Variants in SMG6 observed in about 807,000 individuals in gnomAD.
The protein encoded by SMG6 is SMG6 nonsense mediated mRNA decay factor.
SMG6 carries 66 observed loss-of-function variants against 142.2 expected under a neutral mutation model. The ratio of observed to expected loss-of-function variants is 0.46; its 90% CI spans 0.38 to 0.57. The LOEUF is 0.57. SMG6 is among the 20% of genes least tolerant of loss of function. The pLI is 0.00. For missense variants in SMG6, 1,793 were observed against 1,832.0 expected, an observed-to-expected ratio of 0.98 and a Z score of 0.39; for synonymous variants, 779 against 702.4, an observed-to-expected ratio of 1.11 and a Z score of -1.72.
intron 10 of SMG6, among the ~76,000 whole-genome samples, chr17:2,189,113 T>C (rs1277071071): frequency 1.3e-5 from 2 of 152,200 alleles, no homozygotes; most frequent in African/African-American, 4.8e-5. Context: ...TGCAGAACAG[T>C]GCTTGGCACA....
At chr17:2,078,670 C>A (rs140870845) in intron 15 of SMG6, among the ~76,000 whole-genome samples, 21 of 152,232 alleles carry the variant, frequency 1.4e-4, no homozygotes, top group African/African-American at 4.8e-4. Context: ...CTGCGCCCAG[C>A]CACTGAATAC....
chr17:2,176,679 G>C (rs1291053660), intron 12 of SMG6, among the ~76,000 whole-genome samples: 1 of 152,150 alleles, frequency 6.6e-6, no homozygotes, highest in African/African-American at 2.4e-5. Context: ...GATGTGATTA[G>C]AGAGCAGGGA....
chr17:2,198,802 A>G (rs2072415903), intron 10 of SMG6, among the ~76,000 whole-genome samples: 1 of 152,130 alleles, frequency 6.6e-6, no homozygotes, highest in Non-Finnish European at 1.5e-5. Flanking sequence ...CTCAATTAAC[A>G]GTAGCTGATT....
intron 13 of SMG6, among the ~76,000 whole-genome samples, chr17:2,135,631 AT>A (rs1210093820): frequency 6.6e-6 from 1 of 152,236 alleles, no homozygotes; most frequent in African/African-American, 2.4e-5. Flanking sequence ...ACCACTAGAA[AT>A]GTGACTAGTG....
At position 2,187,281 on chromosome 17, in the gene SMG6, C is replaced by A. The variant is rs531783574; in HGVS notation, c.2987-450G>T. On this transcript the variant is annotated intron_variant, in intron 11 of 18. Coordinates refer to ENST00000263073, the MANE Select transcript of SMG6 (RefSeq NM_017575.5). ...GGACAAAGAAAGACAGAAAAACCAT[C>A]CCAAATTAAAGGACATTAAAGAGAC... 7.9e-5 allele frequency among the ~76,000 whole-genome samples: 12 copies of A among 152,256 alleles called. No homozygotes were observed. The East Asian group carries it at 2.1e-3, about 27-fold the overall frequency.
intron 16 of SMG6, chr17:2,066,097 T>G (rs1304171272): frequency 2.1e-5 from 4 of 188,568 alleles, no homozygotes; most frequent in Non-Finnish European, 4.5e-5. Context: ...CACACTGCAG[T>G]CCAGGAGGGG....
intron 13 of SMG6, among the ~76,000 whole-genome samples, chr17:2,109,073 A>G (rs908615564): frequency 1.3e-5 from 2 of 152,222 alleles, no homozygotes; most frequent in African/African-American, 4.8e-5. Context: ...TTTTCTCATG[A>G]CTAGCACAGA....
chr17:2,226,858 C>T (rs2073335549), intron 10 of SMG6, among the ~76,000 whole-genome samples: 2 of 152,066 alleles, frequency 1.3e-5, no homozygotes, highest in South Asian at 2.1e-4. Flanking sequence ...GCCGAGATCA[C>T]GCCAATGCAC....
chr17:2,240,263 G>C (rs780708256), intron 9 of SMG6: 1 of 152,248 alleles, frequency 6.6e-6, no homozygotes, highest in Non-Finnish European at 1.5e-5. Context: ...AGACAACACC[G>C]GGACCTAGGC....
intron 11 of SMG6, among the ~76,000 whole-genome samples, chr17:2,187,567 C>G (rs2072028952): frequency 6.6e-6 from 1 of 152,056 alleles, no homozygotes; most frequent in Admixed American, 6.6e-5. Flanking sequence ...TCAAATGGTT[C>G]AGAAGAAAAA....
intron 8 of SMG6, among the ~76,000 whole-genome samples, chr17:2,280,076 C>A (rs1395135178): frequency 2.0e-5 from 3 of 152,088 alleles, no homozygotes; most frequent in Non-Finnish European, 2.9e-5. Flanking sequence ...TTTAATTTCT[C>A]TATCCTCAAT....
At chr17:2,076,696 G>C (rs942416189) in intron 15 of SMG6, among the ~76,000 whole-genome samples, 2 of 152,214 alleles carry the variant, frequency 1.3e-5, no homozygotes, top group Admixed American at 6.5e-5. Flanking sequence ...GCATTAAAGC[G>C]GGGTGGGGAA....
At chr17:2,163,490 A>G (rs1418103022) in intron 13 of SMG6, among the ~76,000 whole-genome samples, 1 of 152,098 alleles carries the variant, frequency 6.6e-6, no homozygotes, top group Non-Finnish European at 1.5e-5. Flanking sequence ...CCAAATCTTC[A>G]TTTTGTTTGA....
intron 9 of SMG6, among the ~76,000 whole-genome samples, chr17:2,242,694 A>T (rs2073838826): frequency 1.4e-5 from 2 of 141,866 alleles, no homozygotes; most frequent in African/African-American, 2.6e-5. Flanking sequence ...CTCTTTAAAA[A>T]AAAAAAAAAA....
At chr17:2,205,112 A>G (rs2072639075) in intron 10 of SMG6, among the ~76,000 whole-genome samples, 1 of 151,734 alleles carries the variant, frequency 6.6e-6, no homozygotes, top group Admixed American at 6.6e-5. Flanking sequence ...TTTGTCACCC[A>G]GGCTGGAGTG....
intron 13 of SMG6, among the ~76,000 whole-genome samples, chr17:2,157,393 T>C (rs926820979): frequency 6.6e-6 from 1 of 152,232 alleles, no homozygotes; most frequent in Non-Finnish European, 1.5e-5. Flanking sequence ...CATGCAGCTA[T>C]GAACTCCACA....
rs956587819 is a variant in SMG6 at position 2,085,127 on chromosome 17, C to T, written c.3534+598G>A. Among the ~76,000 whole-genome samples, 1 of 152,100 alleles carries T rather than the reference C, an allele frequency of 6.6e-6. No individual in the cohort carries two copies. Among genetic ancestry groups the T allele is most frequent in the East Asian group, 1.9e-4 (1 of 5,184 alleles). ...AGGCTCATGCATGTGCATGCGCGTG[C>T]GCACACACACACACAGACGCGCACA... is the stretch of plus-strand genomic sequence containing the variant. On this transcript the variant is annotated intron_variant, in intron 14 of 18. Coordinates refer to ENST00000263073, the MANE Select transcript of SMG6 (RefSeq NM_017575.5). This position sits in a 1 kb window ranked among gnomAD's most constrained non-coding sequence, Gnocchi z 4.1.
At chr17:2,064,992 G>C in intron 18 of SMG6, 81 bp downstream of exon 18, 1 of 1,105,854 alleles carries the variant, frequency 9.0e-7, no homozygotes. Context: ...AGTCAGTGGA[G>C]CCCTTCTCAG....
intron 13 of SMG6, among the ~76,000 whole-genome samples, chr17:2,142,653 G>A (rs2070518829): frequency 6.6e-6 from 1 of 152,122 alleles, no homozygotes; most frequent in Non-Finnish European, 1.5e-5. Flanking sequence ...GGAGGCTGAG[G>A]TGGGCGGATC....
Sources: allele counts gnomAD v4.1 joint callset (sites outside exome capture counted in the v4.1 genomes callset), GRCh38; gene constraint gnomAD v4.1.1; non-coding constraint Gnocchi (gnomAD v3.1); transcripts MANE v1.5; gene names NCBI Gene and HGNC (gene_info 2026-07-23, HGNC 2026-07-21).